STARD3NL: variants seen among roughly 807,000 people sequenced by gnomAD.
STARD3NL encodes STARD3 N-terminal like.
In STARD3NL, 17 loss-of-function variants were observed where a neutral mutation model predicts 30.9. The observed-to-expected ratio is 0.55, with a 90% CI of 0.38 to 0.82. The LOEUF is 0.82. Ranked by LOEUF, STARD3NL falls within the 40% of genes least tolerant of loss-of-function variation. The pLI, the probability that STARD3NL is intolerant of heterozygous loss-of-function variation, is 0.00. For synonymous variants in STARD3NL, 112 were observed against 100.5 expected (o/e 1.11, Z -0.69); for missense variants, 234 against 277.6 (o/e 0.84, Z 1.12).
intron 2 of STARD3NL, 100 bp from the exon 3 acceptor site, chr7:38,214,257 T>TTCTA (rs1785974510): frequency 9.5e-6 from 7 of 738,910 alleles, no homozygotes; most frequent in Non-Finnish European, 1.6e-5. Context: ...CATTTCTGGG[T>TTCTA]TCTGAGAAGA....
At chr7:38,179,619 T>A (rs888752286) in intron 1 of STARD3NL, among the ~76,000 whole-genome samples, 2 of 152,254 alleles carry the variant, frequency 1.3e-5, no homozygotes, top group Non-Finnish European at 2.9e-5. Context: ...GATTGAGTAG[T>A]GAGCAATTTA....
intron 1 of STARD3NL, among the ~76,000 whole-genome samples, chr7:38,189,823 T>C (rs1784608017): frequency 6.6e-6 from 1 of 152,228 alleles, no homozygotes; most frequent in African/African-American, 2.4e-5. Flanking sequence ...ATATGGCTTT[T>C]CCTTTAAGTC....
chr7:38,225,580 TGAAAA>T (rs1786711237), intron 7 of STARD3NL, among the ~76,000 whole-genome samples: 1 of 48,668 alleles, frequency 2.1e-5, no homozygotes, highest in Non-Finnish European at 5.3e-5. Context: ...CACAAGTTCT[TGAAAA>T]GACAACCTTT....
chr7:38,206,724 C>CT (rs1785507030), intron 1 of STARD3NL, among the ~76,000 whole-genome samples: 1 of 152,048 alleles, frequency 6.6e-6, no homozygotes, highest in Non-Finnish European at 1.5e-5. Flanking sequence ...TTATAAGGTA[C>CT]TTTTGATGGA....
intron 7 of STARD3NL, among the ~76,000 whole-genome samples, chr7:38,228,085 C>A (rs892876920): frequency 1.3e-5 from 2 of 152,046 alleles, no homozygotes. Context: ...TTGCTTTTAC[C>A]TTACAGCGCA....
At chr7:38,179,810 A>T (rs1049938071) in intron 1 of STARD3NL, among the ~76,000 whole-genome samples, 1 of 152,246 alleles carries the variant, frequency 6.6e-6, no homozygotes, top group African/African-American at 2.4e-5. Context: ...CTAAGGAGGT[A>T]ACACGAGGTG....
chr7:38,194,966 T>C (rs34954380), intron 1 of STARD3NL, among the ~76,000 whole-genome samples: 12,699 of 152,286 alleles, frequency 0.083, 655 homozygotes, highest in Middle Eastern at 0.15. Flanking sequence ...TCCATTTACA[T>C]AGCATTTGCC....
At chr7:38,201,604 T>G (rs188272427) in intron 1 of STARD3NL, 3 of 152,344 alleles carry the variant, frequency 2.0e-5, no homozygotes, top group African/African-American at 7.2e-5. Context: ...TTAGACTGGC[T>G]TAGAATTATT....
intron 6 of STARD3NL, among the ~76,000 whole-genome samples, 191 bp from the exon 7 acceptor site, chr7:38,219,374 G>T (rs576621527): frequency 3.9e-5 from 6 of 152,150 alleles, no homozygotes; most frequent in Admixed American, 3.9e-4. Context: ...AAGCTGCTTA[G>T]TTATCTGTCT....
intron 1 of STARD3NL, among the ~76,000 whole-genome samples, chr7:38,197,074 A>G (rs889559579): frequency 6.6e-5 from 10 of 152,054 alleles, no homozygotes; most frequent in Non-Finnish European, 1.5e-4. Flanking sequence ...TCAGCTCCCT[A>G]ACCTTGCCCA....
intron 1 of STARD3NL, among the ~76,000 whole-genome samples, chr7:38,188,851 C>T (rs966459217): frequency 3.3e-5 from 5 of 152,054 alleles, no homozygotes; most frequent in Admixed American, 6.6e-5. Flanking sequence ...ATAGAAATTG[C>T]GTTGCTTTAA....
At chr7:38,223,849 A>G (rs990505346) in intron 7 of STARD3NL, among the ~76,000 whole-genome samples, 1 of 152,170 alleles carries the variant, frequency 6.6e-6, no homozygotes, top group Non-Finnish European at 1.5e-5. Flanking sequence ...TCCATTGTAA[A>G]TGTATAATTG....
At chr7:38,193,282 TTTGTTGTTG>T (rs58332866) in intron 1 of STARD3NL, among the ~76,000 whole-genome samples, 187 of 150,516 alleles carry the variant, frequency 1.2e-3, no homozygotes, top group African/African-American at 3.3e-3. Flanking sequence ...GGATTAGTTT[TTTGTTGTTG>T]TTGTTGTTGT....
rs767844751 is a variant in STARD3NL at position 38,215,085 on chromosome 7, C to T, written c.361C>T (p.Arg121Cys). The change falls in exon 4 of 9, where the codon CGC becomes TGC. Residue 121 changes from arginine to cysteine, a missense_variant. Coordinates refer to ENST00000009041, the MANE Select transcript of STARD3NL (RefSeq NM_032016.4). ...LILAYAVCRL[R>C]HWWAIALTTA... ...ACTTGCATATGCTGTGTGCAGACTG[C>T]GCCATTGGTGGGCAATAGCGGTGAG... 1.9e-6 allele frequency: 3 copies of T among 1,613,760 alleles called. No homozygotes were observed. The highest frequency in any genetic ancestry group is 2.5e-6 in the Non-Finnish European group (3 of 1,179,912).
intron 2 of STARD3NL, among the ~76,000 whole-genome samples, chr7:38,208,173 T>A (rs1785598486): frequency 6.6e-6 from 1 of 152,226 alleles, no homozygotes; most frequent in South Asian, 2.1e-4. Flanking sequence ...TCTAGTCTTT[T>A]TCAGAAAAAG....
At chr7:38,186,322 A>T (rs1784455626) in intron 1 of STARD3NL, among the ~76,000 whole-genome samples, 1 of 152,184 alleles carries the variant, frequency 6.6e-6, no homozygotes, top group Admixed American at 6.5e-5. Flanking sequence ...ATTTTTTAGG[A>T]CGGCTAAAAG....
chr7:38,207,621 C>T lies in STARD3NL; in HGVS notation c.117C>T (p.Ser39=). ...CACAACTCATGGCCAGGATTGAGTC[C>T]TATGAAGGAAGGGAAAAGAAAGGCA... is the stretch of plus-strand genomic sequence containing the variant. ...NPTQLMARIE[S]YEGREKKGIS... Residue 39 remains serine, a synonymous_variant, in exon 2 of 9, where the codon TCC becomes TCT. Transcript: ENST00000009041. The T allele has an allele frequency of 6.2e-7, 1 of 1,614,030 alleles. No individual in the cohort carries two copies. Among genetic ancestry groups the T allele is most frequent in the Non-Finnish European group, 8.5e-7 (1 of 1,179,944 alleles).
chr7:38,203,183 A>G (rs1412826840), intron 1 of STARD3NL, among the ~76,000 whole-genome samples: 2 of 152,206 alleles, frequency 1.3e-5, no homozygotes, highest in Non-Finnish European at 2.9e-5. Context: ...CATAATTGTC[A>G]GATTCACCGA....
chr7:38,205,409 CTG>C (rs1785404888), intron 1 of STARD3NL, among the ~76,000 whole-genome samples: 2 of 152,118 alleles, frequency 1.3e-5, no homozygotes, highest in Admixed American at 6.6e-5. Flanking sequence ...CATACTGTGT[CTG>C]TGTGTATTCC....
Sources: gnomAD v4.1 joint callset for allele counts (sites outside exome capture counted in the v4.1 genomes callset) on GRCh38, gnomAD v4.1.1 for gene constraint, MANE v1.5 for transcripts, NCBI Gene and HGNC (gene_info 2026-07-23, HGNC 2026-07-21) for gene names.